PRKCA: variants seen among roughly 807,000 people sequenced by gnomAD.
PRKCA encodes protein kinase C alpha type.
PRKCA carries 27 observed loss-of-function variants against 87.0 expected under a neutral mutation model. The observed-to-expected ratio is 0.31, with a 90% CI of 0.23 to 0.43. The LOEUF is 0.43. Ranked by LOEUF, PRKCA falls within the 20% of genes least tolerant of loss-of-function variation. The probability of loss-of-function intolerance (pLI) is 1.00; values close to 1 mark genes in which losing one functional copy is unlikely to be tolerated. For missense variants in PRKCA, 518 were observed against 852.3 expected (o/e 0.61, Z 4.88); for synonymous variants, 329 against 311.1 (o/e 1.06, Z -0.61).
chr17:66,382,844 C>G (rs750945156), intron 2 of PRKCA, among the ~76,000 whole-genome samples: 2 of 152,038 alleles, frequency 1.3e-5, no homozygotes, highest in South Asian at 4.2e-4. Flanking sequence ...CAGACACCCC[C>G]CCATTACCAC....
intron 3 of PRKCA, among the ~76,000 whole-genome samples, chr17:66,573,880 C>T (rs1969150453): frequency 6.6e-6 from 1 of 152,210 alleles, no homozygotes; most frequent in Non-Finnish European, 1.5e-5. Flanking sequence ...GTCCCAGCTC[C>T]TCGGGAGGCT....
chr17:66,424,568 AACACACACACACACACACACAC>A (rs141074503), intron 2 of PRKCA, among the ~76,000 whole-genome samples: 1 of 141,950 alleles, frequency 7.0e-6, no homozygotes, highest in Non-Finnish European at 1.5e-5. Context: ...CCCTGTCTCA[AACACACACACACACACACACAC>A]ACACACACAT....
chr17:66,802,604 C>T (rs1329208784), intron 16 of PRKCA, among the ~76,000 whole-genome samples: 6 of 152,154 alleles, frequency 3.9e-5, no homozygotes, highest in Admixed American at 3.3e-4. Context: ...AAGCACAGCC[C>T]GTGAGACTCA....
intron 3 of PRKCA, among the ~76,000 whole-genome samples, chr17:66,578,518 C>T (rs971506859): frequency 6.6e-5 from 10 of 152,288 alleles, no homozygotes; most frequent in African/African-American, 2.2e-4. Flanking sequence ...ATCTGGTCAA[C>T]AAGAGCAAAA....
intron 5 of PRKCA, among the ~76,000 whole-genome samples, chr17:66,672,604 T>A (rs1178810242): frequency 3.3e-5 from 5 of 152,102 alleles, no homozygotes; most frequent in Non-Finnish European, 7.4e-5. Context: ...ACAGCATAAA[T>A]AGAACAAGAA....
At chr17:66,774,413 G>A in intron 14 of PRKCA, 1 of 1,037,940 alleles carries the variant, frequency 9.6e-7, no homozygotes, top group Non-Finnish European at 1.2e-6. Context: ...CTGAGGTCAG[G>A]AGTTCGAGAC....
At chr17:66,708,745 A>G (rs573868851) in intron 8 of PRKCA, among the ~76,000 whole-genome samples, 56 of 152,160 alleles carry the variant, frequency 3.7e-4, no homozygotes, top group Non-Finnish European at 6.2e-4. Context: ...AGATCAGGCA[A>G]CCCTCTGAGA....
At chr17:66,782,855 C>T (rs932573816) in intron 14 of PRKCA, among the ~76,000 whole-genome samples, 1 of 152,162 alleles carries the variant, frequency 6.6e-6, no homozygotes, top group South Asian at 2.1e-4. Flanking sequence ...GGCTAAGAGC[C>T]CCAGGCTCCA....
intron 2 of PRKCA, among the ~76,000 whole-genome samples, chr17:66,378,964 A>G (rs965091824): frequency 6.6e-6 from 1 of 151,954 alleles, no homozygotes; most frequent in Non-Finnish European, 1.5e-5. Flanking sequence ...TTCACTTAGC[A>G]TTACATTTTT....
At chr17:66,346,590 C>A (rs1232085462) in intron 2 of PRKCA, among the ~76,000 whole-genome samples, 2 of 151,942 alleles carry the variant, frequency 1.3e-5, no homozygotes, top group African/African-American at 2.4e-5. Flanking sequence ...AAGAGATGAT[C>A]CCTGGGCATA....
At chr17:66,386,805 T>C (rs1192945165) in intron 2 of PRKCA, among the ~76,000 whole-genome samples, 1 of 152,240 alleles carries the variant, frequency 6.6e-6, no homozygotes, top group Non-Finnish European at 1.5e-5. Flanking sequence ...CCTTTTTTTT[T>C]TCTTTTAATG....
intron 3 of PRKCA, among the ~76,000 whole-genome samples, chr17:66,637,633 T>C (rs1164458534): frequency 6.6e-6 from 1 of 151,886 alleles, no homozygotes; most frequent in East Asian, 1.9e-4. Flanking sequence ...GCCTCGAGGA[T>C]ATCATTAATC....
chr17:66,525,326 A>C (rs1567876032), intron 3 of PRKCA, among the ~76,000 whole-genome samples: 1 of 152,228 alleles, frequency 6.6e-6, no homozygotes, highest in Non-Finnish European at 1.5e-5. Context: ...TTTGTTACTA[A>C]TAATTGAAAG....
chr17:66,455,499 A>G (rs1914540250), intron 2 of PRKCA, among the ~76,000 whole-genome samples: 1 of 152,208 alleles, frequency 6.6e-6, no homozygotes, highest in Admixed American at 6.5e-5. Context: ...AGGCTTTATG[A>G]TCATTTATCA....
intron 8 of PRKCA, among the ~76,000 whole-genome samples, chr17:66,701,753 G>T (rs1447576771): frequency 6.6e-6 from 1 of 152,114 alleles, no homozygotes; most frequent in Non-Finnish European, 1.5e-5. Context: ...AGTCAAAATT[G>T]TCAAAATTAT....
chr17:66,465,138 C>T (rs1401872145), intron 2 of PRKCA, among the ~76,000 whole-genome samples: 1 of 152,050 alleles, frequency 6.6e-6, no homozygotes, highest in African/African-American at 2.4e-5. Flanking sequence ...TTGACTAGGC[C>T]AACCCCCATA....
chr17:66,430,799 G>A (rs1567825016), intron 2 of PRKCA, among the ~76,000 whole-genome samples: 1 of 152,152 alleles, frequency 6.6e-6, no homozygotes, highest in Non-Finnish European at 1.5e-5. Context: ...ATGGCCAAGT[G>A]ATAGGATGCA....
chr17:66,389,016 T>G (rs756919830), intron 2 of PRKCA, among the ~76,000 whole-genome samples: 31 of 152,204 alleles, frequency 2.0e-4, no homozygotes, highest in Non-Finnish European at 4.3e-4. Flanking sequence ...ACATTGATGG[T>G]GAAAGGTTCA....
At chr17:66,399,264 T>C (rs1417400629) in intron 2 of PRKCA, among the ~76,000 whole-genome samples, 1 of 151,984 alleles carries the variant, frequency 6.6e-6, no homozygotes, top group African/African-American at 2.4e-5. Flanking sequence ...TTGTATTTTT[T>C]TGTAGAAGAT....
Sources: gnomAD v4.1 joint callset for allele counts (sites outside exome capture counted in the v4.1 genomes callset) on GRCh38, gnomAD v4.1.1 for gene constraint, MANE v1.5 for transcripts, NCBI Gene and HGNC (gene_info 2026-07-23, HGNC 2026-07-21) for gene names.